EPS15: variants seen among roughly 807,000 people sequenced by gnomAD.
EPS15 encodes epidermal growth factor receptor pathway substrate 15, also known as epidermal growth factor receptor substrate 15.
EPS15 carries 72 observed loss-of-function variants against 113.8 expected under a neutral mutation model. The ratio of observed to expected loss-of-function variants is 0.63; its 90% CI spans 0.52 to 0.77. EPS15 has a LOEUF of 0.77. Among genes scored for constraint, EPS15 ranks in the 30% least tolerant of loss-of-function variants. The probability of loss-of-function intolerance (pLI) is 0.00; values close to 1 mark genes in which losing one functional copy is unlikely to be tolerated. For synonymous variants in EPS15, 344 were observed against 363.4 expected, an observed-to-expected ratio of 0.95 and a Z score of 0.61; for missense variants, 1,048 against 1,045.8, an observed-to-expected ratio of 1.00 and a Z score of -0.03.
At chr1:51,374,505 G>A (rs1016081630) in intron 21 of EPS15, among the ~76,000 whole-genome samples, 1 of 152,114 alleles carries the variant, frequency 6.6e-6, no homozygotes, top group East Asian at 1.9e-4. Flanking sequence ...TCGGGAGGGT[G>A]AGGCAGGAGA....
At chr1:51,413,860 C>T (rs1570248754) in intron 13 of EPS15, among the ~76,000 whole-genome samples, 1 of 152,064 alleles carries the variant, frequency 6.6e-6, no homozygotes, top group Admixed American at 6.5e-5. Context: ...GTAATCTTCC[C>T]ACCTCAGCCT....
At chr1:51,372,292 T>C in intron 21 of EPS15, 1 of 507,986 alleles carries the variant, frequency 2.0e-6, no homozygotes, top group South Asian at 1.5e-5. Context: ...CAGAAGGCAG[T>C]GGTCCACCTT....
chr1:51,359,508 C>T (rs1646330722), intron 24 of EPS15, among the ~76,000 whole-genome samples: 1 of 151,124 alleles, frequency 6.6e-6, no homozygotes, highest in Non-Finnish European at 1.5e-5. Flanking sequence ...ACCTGTAATC[C>T]CAACACTTTG....
At chr1:51,395,688 C>T (rs1647867628) in intron 20 of EPS15, among the ~76,000 whole-genome samples, 2 of 152,184 alleles carry the variant, frequency 1.3e-5, no homozygotes, top group South Asian at 2.1e-4. Flanking sequence ...CTACTTTATA[C>T]TTTAGTTTTT....
chr1:51,372,962 TGCCAGACATCA>T, intron 21 of EPS15: 1 of 486,940 alleles, frequency 2.1e-6, no homozygotes. Context: ...TTCAATCTGC[TGCCAGACATCA>T]GCCTGCAGCA....
intron 17 of EPS15, among the ~76,000 whole-genome samples, chr1:51,402,782 G>C (rs2148419722): frequency 6.6e-6 from 1 of 152,222 alleles, no homozygotes; most frequent in African/African-American, 2.4e-5. Context: ...AATTAGCTGG[G>C]CATGTGCAGC....
chr1:51,517,012 T>A (rs1644731730), intron 1 of EPS15, among the ~76,000 whole-genome samples: 2 of 152,252 alleles, frequency 1.3e-5, no homozygotes, highest in South Asian at 4.1e-4. Flanking sequence ...CAGTAATGAA[T>A]GTGAAACCAG....
chr1:51,493,528 TTAAA>T (rs200731991), intron 1 of EPS15, among the ~76,000 whole-genome samples: 48,849 of 133,042 alleles, frequency 0.37, 9,349 homozygotes, highest in East Asian at 0.58. Flanking sequence ...CAGTCTCAAA[TTAAA>T]TAAATAAATA....
At chr1:51,457,546 GAAT>G (rs1654106864) in intron 8 of EPS15, 1 of 130,154 alleles carries the variant, frequency 7.7e-6, no homozygotes, top group South Asian at 2.3e-4. Context: ...CCAGATTCTG[GAAT>G]ATTATCCTAT....
chr1:51,518,528 C>G (rs974592776), intron 1 of EPS15: 22 of 152,740 alleles, frequency 1.4e-4, no homozygotes, highest in African/African-American at 5.1e-4. Flanking sequence ...CAGAAGGAAA[C>G]CTGATCAGGA....
intron 12 of EPS15, among the ~76,000 whole-genome samples, chr1:51,426,837 C>CTCTCTCTCTA (rs377211027): frequency 7.1e-4 from 102 of 143,636 alleles, no homozygotes; most frequent in Non-Finnish European, 1.0e-3. Context: ...CTCTCTCTCT[C>CTCTCTCTCTA]TATATATATA....
intron 1 of EPS15, among the ~76,000 whole-genome samples, chr1:51,509,753 T>C (rs1644585099): frequency 6.6e-6 from 1 of 152,258 alleles, no homozygotes; most frequent in Non-Finnish European, 1.5e-5. Flanking sequence ...AACTTTCCAC[T>C]ATAACTTCGT....
At position 51,514,012 on chromosome 1, in the gene EPS15, GGTAGA is replaced by G. The variant is rs200481553; in HGVS notation, c.33+5182_33+5186del. Among the ~76,000 whole-genome samples, 1,240 of 152,096 alleles carry G rather than the reference GGTAGA, an allele frequency of 8.2e-3. 12 individuals are homozygous for G. Among genetic ancestry groups the G allele is most frequent in the African/African-American group, 0.029 (1,195 of 41,480 alleles). ...AATACATTCTCACTGTTGAAAACAA[GGTAGA>G]TAAAAACTACAACCATGCTACTATA... On this transcript the variant is annotated intron_variant, in intron 1 of 24. Transcript: ENST00000371733.
chr1:51,436,029 TG>T (rs1293147818), intron 12 of EPS15, among the ~76,000 whole-genome samples: 2 of 152,190 alleles, frequency 1.3e-5, no homozygotes, highest in African/African-American at 2.4e-5. Flanking sequence ...ATCATACGAC[TG>T]GAGAAAGGGA....
intron 21 of EPS15, among the ~76,000 whole-genome samples, chr1:51,368,072 C>A (rs895302803): frequency 6.6e-6 from 1 of 152,110 alleles, no homozygotes; most frequent in Non-Finnish European, 1.5e-5. Context: ...GTGGAGGCTG[C>A]AGTAAGCTGA....
intron 4 of EPS15, among the ~76,000 whole-genome samples, chr1:51,469,117 G>T (rs1046406855): frequency 1.3e-5 from 2 of 150,732 alleles, no homozygotes; most frequent in Non-Finnish European, 3.0e-5. Context: ...GTGACAGAGC[G>T]AGACTGTCTC....
At chr1:51,518,895 C>G (rs1295262604) in intron 1 of EPS15, among the ~76,000 whole-genome samples, 2 of 151,620 alleles carry the variant, frequency 1.3e-5, no homozygotes, top group African/African-American at 2.4e-5. Flanking sequence ...CGGCCCGGCA[C>G]CGGCAGAGCG....
At chr1:51,388,734 C>T (rs1410139535) in intron 21 of EPS15, among the ~76,000 whole-genome samples, 1 of 152,148 alleles carries the variant, frequency 6.6e-6, no homozygotes, top group Non-Finnish European at 1.5e-5. Context: ...TGGATAAATT[C>T]CTCGACACAT....
At chr1:51,357,426 A>ATTTTTT (rs570842498) in intron 24 of EPS15, among the ~76,000 whole-genome samples, 8 of 53,538 alleles carry the variant, frequency 1.5e-4, no homozygotes, top group South Asian at 9.2e-4. Context: ...ATATATATAT[A>ATTTTTT]TTTTTTTTTT....
Sources: allele counts gnomAD v4.1 joint callset (sites outside exome capture counted in the v4.1 genomes callset), GRCh38; gene constraint gnomAD v4.1.1; transcripts MANE v1.5; gene names NCBI Gene and HGNC (gene_info 2026-07-23, HGNC 2026-07-21).